Variants in RNF43 observed in about 807,000 individuals in gnomAD.
RNF43 encodes ring finger protein 43.
Under a neutral mutation model 78.4 loss-of-function variants are expected in RNF43, and 37 were observed. That is an observed-to-expected ratio of 0.47 (90% confidence interval 0.36 to 0.62). The LOEUF (loss-of-function observed/expected upper bound fraction) is 0.62. Ranked by LOEUF, RNF43 falls within the 20% of genes least tolerant of loss-of-function variation. RNF43 has a pLI of 0.00. For synonymous variants in RNF43, 347 were observed against 395.0 expected, an observed-to-expected ratio of 0.88 and a Z score of 1.44; for missense variants, 774 against 1,007.9, an observed-to-expected ratio of 0.77 and a Z score of 3.14.
intron 8 of RNF43, among the ~76,000 whole-genome samples, chr17:58,359,875 G>A (rs1456071786): frequency 6.7e-6 from 1 of 148,248 alleles, no homozygotes; most frequent in South Asian, 2.2e-4. Flanking sequence ...GCGGTGAACC[G>A]AGATCACGCC....
chr17:58,368,479 G>A (rs908901069), intron 3 of RNF43, among the ~76,000 whole-genome samples: 17 of 151,876 alleles, frequency 1.1e-4, no homozygotes, highest in African/African-American at 3.6e-4. Flanking sequence ...CCCTGGAGGC[G>A]GAGGTTGCAG....
chr17:58,379,145 T>C (rs1229428376), intron 2 of RNF43, among the ~76,000 whole-genome samples: 1 of 152,174 alleles, frequency 6.6e-6, no homozygotes, highest in Non-Finnish European at 1.5e-5. Flanking sequence ...GTATGCACGC[T>C]GGGGAGGCTT....
rs766890421 is a variant in RNF43 at position 58,357,647 on chromosome 17, A to T, written c.2129T>A (p.Leu710Gln). ...ACAGGGGCCTGGGGTTTCTGGTAGC[A>T]GCCTCTTGTCCAGGCCTGGAGGTCC... Reference protein sequence around the residue: ...ICGPPGLDKRLLPETPGPCYS... With the variant: ...ICGPPGLDKRQLPETPGPCYS... The change falls in exon 9 of 10, where the codon CTG (leucine) becomes CAG (glutamine). Residue 710 changes from leucine to glutamine, a missense_variant. Leu to Gln is a moderately radical substitution (Grantham distance 113). Transcript: ENST00000407977. This position sits in a 1 kb window ranked among gnomAD's most constrained non-coding sequence, Gnocchi z 4.5. The T allele has an allele frequency of 1.5e-5, 25 of 1,613,818 alleles. 1 individual carries two copies. The South Asian group carries it at 2.5e-4, about 16-fold the overall frequency.
chr17:58,410,244 T>C (rs1388341372), intron 2 of RNF43, among the ~76,000 whole-genome samples: 1 of 152,224 alleles, frequency 6.6e-6, no homozygotes, highest in African/African-American at 2.4e-5. Flanking sequence ...AAAATTATCA[T>C]TAAAAATATT....
In RNF43 at chr17:58,360,467, TTC is replaced by T. The variant is rs1289890344; in HGVS notation, c.850-218_850-217del. Among the ~76,000 whole-genome samples, 3 of 152,208 alleles carry T rather than the reference TTC, an allele frequency of 2.0e-5. No homozygotes were observed. The highest frequency in any genetic ancestry group is 1.5e-5 in the Non-Finnish European group (1 of 68,030). On this transcript the variant is annotated intron_variant, in intron 7 of 9. Coordinates refer to ENST00000407977, the MANE Select transcript of RNF43 (RefSeq NM_017763.6). The surrounding 1 kb of genome is among the most constrained non-coding windows in gnomAD (Gnocchi z 4.3). ...TGGGCAACTTTCTTAACAGACAGTT[TTC>T]TGCTGTAAAATGAAGATAAAAAAAT... is the stretch of plus-strand genomic sequence containing the variant.
rs554916251 is a variant in RNF43, at chr17:58,378,635, G to A, written c.253-7602C>T. ...CAAAAGTAAATAATGTTGGTGGGGA[G>A]GGAGAAGCATAACCTCGGGCCATCT... On this transcript the variant is annotated intron_variant, in intron 2 of 9. Transcript: ENST00000407977. Among the ~76,000 whole-genome samples, 5 of 152,290 alleles carry A rather than the reference G, an allele frequency of 3.3e-5. No homozygotes were observed. In the East Asian group the frequency reaches 9.6e-4, roughly 29 times the overall value.
At chr17:58,409,899 A>C (rs1973989145) in intron 2 of RNF43, among the ~76,000 whole-genome samples, 2 of 152,122 alleles carry the variant, frequency 1.3e-5, no homozygotes, top group African/African-American at 4.8e-5. Flanking sequence ...ATACAAAGAA[A>C]CAAAAAAAGT....
chr17:58,415,257 T>C (rs1263566891), intron 2 of RNF43, 69 bp downstream of exon 2: 5 of 1,540,570 alleles, frequency 3.2e-6, no homozygotes, highest in African/African-American at 2.7e-5. Context: ...GGTATTTCAT[T>C]TGGGAGACAA....
intron 8 of RNF43, among the ~76,000 whole-genome samples, chr17:58,359,498 G>A (rs932515863): frequency 2.6e-5 from 4 of 151,904 alleles, no homozygotes; most frequent in Non-Finnish European, 5.9e-5. Flanking sequence ...CAGCTACTCC[G>A]GAGGCTGAGG....
rs781449421 is a variant in RNF43, at chr17:58,370,948, C to T, written c.338G>A (p.Arg113Gln). Residue 113 changes from arginine to glutamine, a missense_variant, in exon 3 of 10, where the codon CGA becomes CAA. By Grantham distance (43) the Arg-to-Gln change is conservative. Coordinates refer to ENST00000407977, the MANE Select transcript of RNF43 (RefSeq NM_017763.6). ...FISIVKLESP[R>Q]RAPRPCLSLA... ...TGACAGGCAGGGGCGGGGGGCCCGT[C>T]GAGGACTCTCCAGCTTGACGATGCT... The T allele has an allele frequency of 3.1e-6, 5 of 1,610,304 alleles. No homozygotes were observed. The highest frequency in any genetic ancestry group is 2.2e-5 in the East Asian group (1 of 44,846).
At chr17:58,362,001 G>T (rs2143454669) in intron 6 of RNF43, among the ~76,000 whole-genome samples, 1 of 151,976 alleles carries the variant, frequency 6.6e-6, no homozygotes. Context: ...CAGGAGAATT[G>T]CTTGAACCCA....
chr17:58,373,301 G>A (rs992930295), intron 2 of RNF43, among the ~76,000 whole-genome samples: 5 of 152,108 alleles, frequency 3.3e-5, no homozygotes, highest in Non-Finnish European at 5.9e-5. Context: ...GTTTGAACAG[G>A]GAACCAGCAT....
rs1483180859 is a variant in RNF43, at chr17:58,358,555, T to C, written c.1221A>G (p.Gly407=). The change falls in exon 9 of 10, where the codon GGA becomes GGG. Residue 407 remains glycine, a synonymous_variant. Coordinates refer to ENST00000407977, the MANE Select transcript of RNF43 (RefSeq NM_017763.6). The surrounding 1 kb of genome is among the most constrained non-coding windows in gnomAD (Gnocchi z 6.2). ...RAPGEQQRLA[G]AQHPYAQGWG... Reference sequence around the variant, plus strand: ...AGCCTTGTGCATAGGGGTGCTGGGCTCCTGCCAGGCGCTGCTGCTCTCCTG... The same window carrying C: ...AGCCTTGTGCATAGGGGTGCTGGGCCCCTGCCAGGCGCTGCTGCTCTCCTG... 2 of 1,609,908 alleles carry C rather than the reference T, an allele frequency of 1.2e-6. No individual in the cohort carries two copies. The highest frequency in any genetic ancestry group is 1.1e-5 in the South Asian group (1 of 90,456).
chr17:58,388,261 A>G (rs559003383), intron 2 of RNF43, among the ~76,000 whole-genome samples: 1 of 152,276 alleles, frequency 6.6e-6, no homozygotes, highest in East Asian at 1.9e-4. Flanking sequence ...CTAGCCAAAT[A>G]CCTAACTACT....
chr17:58,394,623 A>C (rs1973635623), intron 2 of RNF43, among the ~76,000 whole-genome samples: 1 of 152,210 alleles, frequency 6.6e-6, no homozygotes, highest in African/African-American at 2.4e-5. Context: ...TTACTTTGTA[A>C]AAGAGGTTAA....
At position 58,354,319 on chromosome 17, in the gene RNF43, C is replaced by T. The variant is rs1972639668; in HGVS notation, c.*624G>A. On this transcript the variant is annotated 3_prime_UTR_variant, in exon 10 of 10. Coordinates refer to ENST00000407977, the MANE Select transcript of RNF43 (RefSeq NM_017763.6). Reference sequence around the variant, plus strand: ...GGAACCAAGGCTGCTGTACCCACCTCAGGGACAGAACTCCACACTATAGTG... The same window carrying T: ...GGAACCAAGGCTGCTGTACCCACCTTAGGGACAGAACTCCACACTATAGTG... 1 of 201,684 alleles carries T rather than the reference C, an allele frequency of 5.0e-6. No individual in the cohort carries two copies. The highest frequency in any genetic ancestry group is 1.0e-5 in the Non-Finnish European group (1 of 98,102). The allele number at this position is 201,684 out of a possible 1,614,324, so 12.5% of individuals were successfully genotyped here. A position where few individuals can be genotyped will look rare whatever the true frequency, so the allele number is the denominator to read the frequency against.
chr17:58,360,653 G>T lies in RNF43; in HGVS notation c.849+130C>A. The stretch of plus-strand genomic sequence containing the variant: ...AACTTCAGGCTGGTCCCTGATCTCT[G>T]CCTCATGCAGGACACATGGGAAACA... On this transcript the variant is annotated intron_variant, in intron 7 of 9. Coordinates refer to ENST00000407977, the MANE Select transcript of RNF43 (RefSeq NM_017763.6). The surrounding 1 kb of genome is among the most constrained non-coding windows in gnomAD (Gnocchi z 4.3). The T allele has an allele frequency of 2.0e-6, 2 of 990,100 alleles. No individual in the cohort carries two copies. Among genetic ancestry groups the T allele is most frequent in the Non-Finnish European group, 2.9e-6 (2 of 688,234 alleles). The allele number at this position is 990,100 out of a possible 1,614,324, so 61.3% of individuals were successfully genotyped here.
chr17:58,381,489 G>A (rs756312215), intron 2 of RNF43, among the ~76,000 whole-genome samples: 1 of 152,226 alleles, frequency 6.6e-6, no homozygotes, highest in Non-Finnish European at 1.5e-5. Flanking sequence ...CAACAGGAGA[G>A]TGGATTTTTA....
rs2143421930 is a variant in RNF43, at chr17:58,358,614, G to A, written c.1162C>T (p.His388Tyr). 1 of 1,561,984 alleles carries A rather than the reference G, an allele frequency of 6.4e-7. No individual in the cohort carries two copies. The change falls in exon 9 of 10, where the codon CAC becomes TAC. Residue 388 changes from histidine (H) to tyrosine (Y), a missense_variant. By Grantham distance (83) the His-to-Tyr change is moderately conservative (BLOSUM62 2). Coordinates refer to ENST00000407977, the MANE Select transcript of RNF43 (RefSeq NM_017763.6). The surrounding 1 kb of genome is among the most constrained non-coding windows in gnomAD (Gnocchi z 6.2). Reference protein sequence around the residue: ...SQEPGMGPRHHRFPRAAHPRA... With the variant: ...SQEPGMGPRHYRFPRAAHPRA... ...GGATGTGCAGCTCTGGGGAAGCGGT[G>A]ATGCCGAGGGCCCATGCCTGGCTCC...
Sources: gnomAD v4.1 joint callset for allele counts (sites outside exome capture counted in the v4.1 genomes callset) on GRCh38, gnomAD v4.1.1 for gene constraint, Gnocchi (gnomAD v3.1) non-coding constraint, MANE v1.5 for transcripts, NCBI Gene and HGNC (gene_info 2026-07-23, HGNC 2026-07-21) for gene names.